The following UBE2F variants were observed in gnomAD, a reference collection of about 807,000 sequenced individuals.
The protein encoded by UBE2F is ubiquitin conjugating enzyme E2 F (putative), also known as NEDD8-conjugating enzyme UBE2F.
Under a neutral mutation model 29.6 loss-of-function variants are expected in UBE2F, and 5 were observed. The observed-to-expected ratio is 0.17, with a 90% confidence interval of 0.09 to 0.36. UBE2F has a LOEUF of 0.36. Ranked by LOEUF, UBE2F falls within the 10% of genes least tolerant of loss-of-function variation. The pLI is 1.00. For missense variants in UBE2F, 141 were observed against 228.5 expected, an observed-to-expected ratio of 0.62 and a Z score of 2.47; for synonymous variants, 66 against 81.8, an observed-to-expected ratio of 0.81 and a Z score of 1.04.
intron 4 of UBE2F, among the ~76,000 whole-genome samples, chr2:238,002,332 A>G (rs893887885): frequency 6.6e-6 from 1 of 152,190 alleles, no homozygotes; most frequent in African/African-American, 2.4e-5. Context: ...GGTTAGTTAC[A>G]TATGTATACA....
intron 2 of UBE2F, among the ~76,000 whole-genome samples, chr2:237,984,118 T>G (rs2063432296): frequency 6.6e-6 from 1 of 151,190 alleles, no homozygotes; most frequent in African/African-American, 2.5e-5. Flanking sequence ...CGTGGCTTTC[T>G]GGCACTCCCG....
chr2:237,997,069 A>T (rs2063706341), intron 4 of UBE2F, among the ~76,000 whole-genome samples: 2 of 151,884 alleles, frequency 1.3e-5, no homozygotes, highest in Non-Finnish European at 2.9e-5. Flanking sequence ...TAAACATACA[A>T]AAAAATTAGC....
chr2:238,012,549 C>T (rs1484930856), intron 4 of UBE2F, among the ~76,000 whole-genome samples: 3 of 152,184 alleles, frequency 2.0e-5, no homozygotes, highest in Non-Finnish European at 2.9e-5. Context: ...TTACATTCTT[C>T]CTATTTTCAC....
At chr2:238,032,822 C>G (rs531700788) in intron 8 of UBE2F, among the ~76,000 whole-genome samples, 1 of 152,248 alleles carries the variant, frequency 6.6e-6, no homozygotes, top group South Asian at 2.1e-4. Context: ...CATAGTTACC[C>G]CTTTTTTCTA....
chr2:237,987,367 T>G (rs2063499900), intron 2 of UBE2F, among the ~76,000 whole-genome samples: 1 of 152,182 alleles, frequency 6.6e-6, no homozygotes, highest in South Asian at 2.1e-4. Flanking sequence ...TATTTGTTTT[T>G]CTTGTCTGAT....
rs868265726 is a variant in UBE2F, at chr2:237,973,243, G to T, written c.118+18G>T. 1.2e-6 allele frequency: 2 copies of T among 1,610,784 alleles called. No homozygotes were observed. Among genetic ancestry groups the T allele is most frequent in the South Asian group, 1.1e-5 (1 of 90,994 alleles). ...TGTTAAAGGTAATGATCATTCGTGT[G>T]AACTGTTTTTATATCCTATAACAAA... On this transcript the variant is annotated intron_variant, in intron 2 of 9. Transcript: ENST00000272930.
At chr2:238,029,733 C>T (rs542661935) in intron 6 of UBE2F, among the ~76,000 whole-genome samples, 5 of 152,186 alleles carry the variant, frequency 3.3e-5, no homozygotes, top group Admixed American at 2.0e-4. Flanking sequence ...GTTCATGAGG[C>T]GTGTGCCCTT....
chr2:238,013,766 G>C (rs1182864903), intron 4 of UBE2F, among the ~76,000 whole-genome samples: 2 of 152,202 alleles, frequency 1.3e-5, no homozygotes, highest in Non-Finnish European at 2.9e-5. Flanking sequence ...AAAGCACAAG[G>C]AAAGAGGAGG....
At position 237,973,548 on chromosome 2, in the gene UBE2F, A is replaced by C; in HGVS notation, c.118+323A>C. On this transcript the variant is annotated intron_variant, in intron 2 of 9. Coordinates refer to ENST00000272930, the MANE Select transcript of UBE2F (RefSeq NM_080678.3). Reference sequence around the variant, plus strand: ...TAAGACTGGTTTCAGAGCTGCCATTATCTTCCTTTCTTTCTGATTCTCAGC... The same window carrying C: ...TAAGACTGGTTTCAGAGCTGCCATTCTCTTCCTTTCTTTCTGATTCTCAGC... 3 of 641,398 alleles carry C rather than the reference A, an allele frequency of 4.7e-6. No homozygotes were observed. The South Asian group carries it at 5.0e-5, about 11-fold the overall frequency. The allele number at this position is 641,398 out of a possible 1,614,324, so 39.7% of individuals were successfully genotyped here. A position where few individuals can be genotyped will look rare whatever the true frequency, so the allele number is the denominator to read the frequency against.
chr2:238,020,191 G>A (rs2106389011), intron 5 of UBE2F, among the ~76,000 whole-genome samples: 1 of 152,314 alleles, frequency 6.6e-6, no homozygotes, highest in East Asian at 1.9e-4. Context: ...GAGCCCTGAG[G>A]GAGTGCCAGC....
chr2:238,029,941 T>G (rs2064533651), intron 6 of UBE2F, among the ~76,000 whole-genome samples: 1 of 125,236 alleles, frequency 8.0e-6, no homozygotes, highest in South Asian at 2.4e-4. Flanking sequence ...GTCATTTTCT[T>G]TCTTTCTTTC....
chr2:237,998,138 T>A (rs1047440053), intron 4 of UBE2F, among the ~76,000 whole-genome samples: 1 of 152,162 alleles, frequency 6.6e-6, no homozygotes, highest in Non-Finnish European at 1.5e-5. Flanking sequence ...AAATTAAAAA[T>A]TTTATAATCA....
chr2:237,973,068 C>G, intron 1 of UBE2F, 24 bp from the exon 2 acceptor site: 4 of 1,590,412 alleles, frequency 2.5e-6, no homozygotes, highest in Non-Finnish European at 3.4e-6. Context: ...GGTCCTTAAC[C>G]CTGCTTTCAT....
At chr2:237,974,712 G>A (rs1416857803) in intron 2 of UBE2F, among the ~76,000 whole-genome samples, 1 of 148,034 alleles carries the variant, frequency 6.8e-6, no homozygotes, top group African/African-American at 2.5e-5. Flanking sequence ...ATGGGGTTTC[G>A]CCACGTTGGC....
intron 2 of UBE2F, among the ~76,000 whole-genome samples, chr2:237,975,470 G>A (rs1553549413): frequency 6.6e-6 from 1 of 152,110 alleles, no homozygotes; most frequent in Admixed American, 6.6e-5. Context: ...TAGTGTATTC[G>A]AACTCCCTGT....
chr2:238,042,702 A>C lies in UBE2F; in HGVS notation c.*1364A>C. 6.6e-6 allele frequency: 1 copy of C among 152,220 alleles called. No individual in the cohort carries two copies. 9.4% of individuals were successfully genotyped at this position (152,220 alleles called of 1,614,324 possible). ...TTAGTTTGTTTTTCTTAATTTATAG[A>C]ATCTCTGATTGTGAGATCAGTCTGT... On this transcript the variant is annotated 3_prime_UTR_variant, in exon 10 of 10. Coordinates refer to ENST00000272930, the MANE Select transcript of UBE2F (RefSeq NM_080678.3).
At chr2:238,021,237 G>C (rs907198379) in intron 5 of UBE2F, among the ~76,000 whole-genome samples, 7 of 152,174 alleles carry the variant, frequency 4.6e-5, no homozygotes, top group African/African-American at 1.4e-4. Flanking sequence ...GACTAAGGAA[G>C]GCCAGTCCTG....
At chr2:237,983,941 A>C (rs1461815298) in intron 2 of UBE2F, among the ~76,000 whole-genome samples, 2 of 151,748 alleles carry the variant, frequency 1.3e-5, no homozygotes, top group African/African-American at 4.8e-5. Flanking sequence ...GACCTTACCC[A>C]GTCTCATGAT....
chr2:238,036,317 G>A lies in UBE2F; in HGVS notation c.507+377G>A, dbSNP rs550274349. On this transcript the variant is annotated intron_variant, in intron 9 of 9. Coordinates refer to ENST00000272930, the MANE Select transcript of UBE2F (RefSeq NM_080678.3). ...CCTCCTGAAGTAGCTAGGACTACAGGTGCATGACACCACATTCAGCTAATT... is the reference window on the plus strand; with the variant it reads ...CCTCCTGAAGTAGCTAGGACTACAGATGCATGACACCACATTCAGCTAATT... Among the ~76,000 whole-genome samples the A allele has an allele frequency of 4.6e-5, 7 of 152,146 alleles. No homozygotes were observed. The South Asian group carries it at 1.0e-3, about 23-fold the overall frequency.
Sources: gnomAD v4.1 joint callset for allele counts (sites outside exome capture counted in the v4.1 genomes callset) on GRCh38, gnomAD v4.1.1 for gene constraint, MANE v1.5 for transcripts, NCBI Gene and HGNC (gene_info 2026-07-23, HGNC 2026-07-21) for gene names.